The following MSI2 variants were observed in gnomAD, a reference collection of about 807,000 sequenced individuals.
The protein encoded by MSI2 is musashi RNA binding protein 2.
A neutral mutation model predicts 45.6 loss-of-function variants in MSI2; 17 were observed. The ratio of observed to expected loss-of-function variants is 0.37; its 90% CI spans 0.26 to 0.56. MSI2 has a LOEUF of 0.56. MSI2 is among the 20% of genes least tolerant of loss of function. MSI2 has a pLI of 0.77. For missense variants in MSI2, 293 were observed against 444.2 expected (o/e 0.66, Z 3.06); for synonymous variants, 156 against 158.2 (o/e 0.99, Z 0.11).
At chr17:57,475,394 A>G (rs1337392155) in intron 6 of MSI2, among the ~76,000 whole-genome samples, 1 of 152,134 alleles carries the variant, frequency 6.6e-6, no homozygotes, top group Non-Finnish European at 1.5e-5. Context: ...GAGAGGAGAG[A>G]ATAAAGCCCA....
At chr17:57,697,143 G>GACAC in the MSI2 span, among the ~76,000 whole-genome samples, 2 of 54,098 alleles carry the variant, frequency 3.7e-5, no homozygotes, top group East Asian at 2.4e-4. Context: ...TCGCCAGCAG[G>GACAC]ACACACACAC....
chr17:57,699,680 G>C, the MSI2 span, among the ~76,000 whole-genome samples: 4 of 152,166 alleles, frequency 2.6e-5, no homozygotes, highest in African/African-American at 7.2e-5. Context: ...AAATTGTTGG[G>C]CAAGTCAAAA....
At chr17:57,560,122 T>C (rs571934471) in intron 7 of MSI2, among the ~76,000 whole-genome samples, 1 of 152,362 alleles carries the variant, frequency 6.6e-6, no homozygotes, top group South Asian at 2.1e-4. Flanking sequence ...CTGTTTAAAA[T>C]TGCTGTTTGG....
At chr17:57,401,356 C>T (rs373157330) in intron 5 of MSI2, 23 bp from the exon 6 acceptor site, 91 of 1,602,936 alleles carry the variant, frequency 5.7e-5, no homozygotes, top group Non-Finnish European at 7.4e-5. Context: ...TAACCCATGC[C>T]TTTCTCTTGT....
chr17:57,463,994 T>C (rs1344349593), intron 6 of MSI2, among the ~76,000 whole-genome samples: 1 of 84,396 alleles, frequency 1.2e-5, no homozygotes, highest in Non-Finnish European at 2.8e-5. Flanking sequence ...AATGAACGTG[T>C]GTGTGTGTGT....
intron 5 of MSI2, among the ~76,000 whole-genome samples, chr17:57,323,854 C>T (rs954325438): frequency 2.0e-5 from 3 of 152,224 alleles, no homozygotes; most frequent in Non-Finnish European, 4.4e-5. Context: ...CTCATTATTT[C>T]CCCATCACCC....
chr17:57,311,471 T>C (rs1332908784), intron 5 of MSI2, among the ~76,000 whole-genome samples: 2 of 152,176 alleles, frequency 1.3e-5, no homozygotes, highest in Non-Finnish European at 2.9e-5. Flanking sequence ...AAAGAAACCC[T>C]ATATGCTGGG....
Position 57,512,968 on chromosome 17 carries a change from C to CTTTTTTTTTTTT in MSI2, c.406-16702_406-16691dup, listed in dbSNP as rs34727727. 4.0e-4 allele frequency among the ~76,000 whole-genome samples: 46 copies of CTTTTTTTTTTTT among 114,692 alleles called. 8 individuals carry two copies. The highest frequency in any genetic ancestry group is 4.2e-4 in the African/African-American group (12 of 28,814). The allele number at this position is 114,692 out of a possible 152,430, so 75.2% of individuals were successfully genotyped here. On this transcript the variant is annotated intron_variant, in intron 6 of 13. Coordinates refer to ENST00000284073, the MANE Select transcript of MSI2 (RefSeq NM_138962.4). ...ATATTGCACATGAATTAGCTTCTTC[C>CTTTTTTTTTTTT]TTTTTTTTTTTTTTTTTCCTTCTGA... is the stretch of plus-strand genomic sequence containing the variant.
At chr17:57,414,286 C>A (rs2084252115) in intron 6 of MSI2, among the ~76,000 whole-genome samples, 1 of 152,062 alleles carries the variant, frequency 6.6e-6, no homozygotes, top group Non-Finnish European at 1.5e-5. Flanking sequence ...ATGGCCTGGG[C>A]AGTAGTTGGT....
chr17:57,667,376 C>T (rs1912444157), intron 11 of MSI2, among the ~76,000 whole-genome samples: 1 of 152,110 alleles, frequency 6.6e-6, no homozygotes, highest in Non-Finnish European at 1.5e-5. Context: ...TTTAGAGACT[C>T]AGGGTAAGGT....
chr17:57,390,178 C>A lies in MSI2; in HGVS notation c.313-11201C>A, dbSNP rs546784685. Among the ~76,000 whole-genome samples the A allele has an allele frequency of 2.6e-5, 4 of 152,240 alleles. No homozygotes were observed. The East Asian group carries it at 7.7e-4, about 29-fold the overall frequency. On this transcript the variant is annotated intron_variant, in intron 5 of 13. Coordinates refer to ENST00000284073, the MANE Select transcript of MSI2 (RefSeq NM_138962.4). ...GGCTGAGATGGGAGGATTACTGGAG[C>A]TCAGGAGTTAAGGCTGCAGTGAGCT...
chr17:57,381,903 G>T (rs1398583900), intron 5 of MSI2, among the ~76,000 whole-genome samples: 2 of 151,310 alleles, frequency 1.3e-5, no homozygotes, highest in Non-Finnish European at 2.9e-5. Flanking sequence ...TGATTTTTAA[G>T]TTAAATTCAA....
chr17:57,476,731 A>G (rs1459967791), intron 6 of MSI2, among the ~76,000 whole-genome samples: 1 of 152,076 alleles, frequency 6.6e-6, no homozygotes, highest in Admixed American at 6.5e-5. Context: ...ACCTCATTTA[A>G]CCCTTAAAAC....
At chr17:57,663,944 C>T (rs1241229115) in intron 11 of MSI2, among the ~76,000 whole-genome samples, 1 of 152,016 alleles carries the variant, frequency 6.6e-6, no homozygotes, top group Admixed American at 6.5e-5. Flanking sequence ...CTTTCTATTC[C>T]TTCTCCCTCC....
At chr17:57,524,975 A>G (rs77649519) in intron 6 of MSI2, among the ~76,000 whole-genome samples, 1,716 of 152,274 alleles carry the variant, frequency 0.011, 58 homozygotes, top group East Asian at 0.065. Context: ...AAATGCAAAT[A>G]CTACTGAATC....
intron 5 of MSI2, among the ~76,000 whole-genome samples, chr17:57,272,852 A>C (rs1396421683): frequency 6.6e-6 from 1 of 152,212 alleles, no homozygotes; most frequent in Non-Finnish European, 1.5e-5. Flanking sequence ...AAATAGCCAG[A>C]TAGGGCCTGG....
chr17:57,259,489 C>T (rs982429871), intron 4 of MSI2, among the ~76,000 whole-genome samples: 1 of 152,176 alleles, frequency 6.6e-6, no homozygotes, highest in African/African-American at 2.4e-5. Context: ...TGGCAACCTT[C>T]GGTGCACTTG....
At chr17:57,454,797 T>A (rs1374282552) in intron 6 of MSI2, among the ~76,000 whole-genome samples, 1 of 152,186 alleles carries the variant, frequency 6.6e-6, no homozygotes, top group Non-Finnish European at 1.5e-5. Flanking sequence ...GAGTTCTTCA[T>A]AGGCAAGTAG....
intron 5 of MSI2, chr17:57,264,144 T>G (rs1907564753): frequency 6.6e-6 from 1 of 152,186 alleles, no homozygotes. Context: ...TTCTTGTCGG[T>G]TTTCTCATCA....
Sources: allele counts gnomAD v4.1 joint callset (sites outside exome capture counted in the v4.1 genomes callset), GRCh38; gene constraint gnomAD v4.1.1; transcripts MANE v1.5; gene names NCBI Gene and HGNC (gene_info 2026-07-23, HGNC 2026-07-21).